EHHADH: variants seen among roughly 807,000 people sequenced by gnomAD.
EHHADH encodes the protein peroxisomal bifunctional enzyme.
A neutral mutation model predicts 64.4 loss-of-function variants in EHHADH; 48 were observed. The ratio of observed to expected loss-of-function variants is 0.75; its 90% CI spans 0.59 to 0.95. The LOEUF is 0.95. EHHADH is among the 40% of genes least tolerant of loss of function. The pLI is 0.00. For synonymous variants in EHHADH, 308 were observed against 326.7 expected (o/e 0.94, Z 0.62); for missense variants, 854 against 876.6 (o/e 0.97, Z 0.33).
At chr3:185,220,798 C>A (rs544022244) in intron 4 of EHHADH, among the ~76,000 whole-genome samples, 6 of 152,320 alleles carry the variant, frequency 3.9e-5, no homozygotes, top group Admixed American at 2.0e-4. Flanking sequence ...TCTTCTCCAA[C>A]CTGAGTAATC....
intron 5 of EHHADH, among the ~76,000 whole-genome samples, chr3:185,207,733 C>T (rs1386715111): frequency 6.6e-6 from 1 of 152,198 alleles, no homozygotes; most frequent in Non-Finnish European, 1.5e-5. Flanking sequence ...TTCTAGTCTA[C>T]ACAACTGTAA....
At chr3:185,245,681 CCTTTA>C (rs1719575530) in intron 2 of EHHADH, 1 of 714,034 alleles carries the variant, frequency 1.4e-6, no homozygotes. Flanking sequence ...TTGGAATCTT[CCTTTA>C]CAAGTTGGTT....
intron 5 of EHHADH, among the ~76,000 whole-genome samples, chr3:185,214,505 G>A (rs1258972291): frequency 6.6e-6 from 1 of 151,988 alleles, no homozygotes; most frequent in Non-Finnish European, 1.5e-5. Flanking sequence ...TTGGGGGAGG[G>A]GGTAAATTTA....
chr3:185,201,077 A>G (rs1482087677), intron 6 of EHHADH, among the ~76,000 whole-genome samples: 1 of 152,188 alleles, frequency 6.6e-6, no homozygotes, highest in Admixed American at 6.5e-5. Context: ...ATACAAGGAA[A>G]GATATGAGGT....
intron 6 of EHHADH, among the ~76,000 whole-genome samples, chr3:185,202,295 C>T (rs918717246): frequency 6.7e-5 from 10 of 148,324 alleles, no homozygotes; most frequent in African/African-American, 1.8e-4. Context: ...GCTGAGATTG[C>T]GCCACTGCAC....
At chr3:185,205,736 G>A (rs932049969) in intron 5 of EHHADH, among the ~76,000 whole-genome samples, 2 of 152,180 alleles carry the variant, frequency 1.3e-5, no homozygotes, top group African/African-American at 4.8e-5. Context: ...TGAGGAGCCA[G>A]AAGTTGACGT....
At chr3:185,241,901 T>A (rs1044775724) in intron 2 of EHHADH, among the ~76,000 whole-genome samples, 2 of 152,212 alleles carry the variant, frequency 1.3e-5, no homozygotes, top group Admixed American at 1.3e-4. Flanking sequence ...GTTTTTCCAA[T>A]GTTGTCTTCT....
chr3:185,210,893 G>A lies in EHHADH; in HGVS notation c.569-6136C>T, dbSNP rs140294327. Among the ~76,000 whole-genome samples, 307 of 152,290 alleles carry A rather than the reference G, an allele frequency of 2.0e-3. 1 individual carries two copies. The highest frequency in any genetic ancestry group is 3.4e-3 in the Admixed American group (52 of 15,296). ...CCTGCTTAATGGTGTGCAGTAATTA[G>A]TTCTGATCAGCATAATCCTATTATC... On this transcript the variant is annotated intron_variant, in intron 5 of 6. Coordinates refer to ENST00000231887, the MANE Select transcript of EHHADH (RefSeq NM_001966.4).
chr3:185,243,721 TG>T (rs1044849880), intron 2 of EHHADH, among the ~76,000 whole-genome samples: 42 of 152,338 alleles, frequency 2.8e-4, no homozygotes, highest in African/African-American at 1.0e-3. Flanking sequence ...TAGATTTTTT[TG>T]AATTTGTTGA....
At chr3:185,204,132 C>CAAAAAAAAAA (rs1220063126) in intron 6 of EHHADH, among the ~76,000 whole-genome samples, 4 of 30,528 alleles carry the variant, frequency 1.3e-4, no homozygotes, top group East Asian at 1.0e-3. Context: ...GACTCTGTCT[C>CAAAAAAAAAA]AAAAAAAAAA....
intron 3 of EHHADH, among the ~76,000 whole-genome samples, chr3:185,231,630 G>A (rs35191435): frequency 7.3e-5 from 7 of 95,600 alleles, no homozygotes; most frequent in Admixed American, 2.4e-4. Flanking sequence ...ACCACATATC[G>A]TATGATTCTG....
intron 4 of EHHADH, among the ~76,000 whole-genome samples, chr3:185,226,428 C>A (rs1718976566): frequency 6.6e-6 from 1 of 152,142 alleles, no homozygotes; most frequent in African/African-American, 2.4e-5. Context: ...GCAGGTGGAT[C>A]ACCTGTGGTC....
intron 6 of EHHADH, among the ~76,000 whole-genome samples, chr3:185,195,187 G>A (rs929957533): frequency 6.6e-6 from 1 of 152,166 alleles, no homozygotes; most frequent in African/African-American, 2.4e-5. Context: ...TCTTGAATTA[G>A]GCAATGGTTT....
Position 185,190,802 on chromosome 3 carries a change from A to G in EHHADH, c.*1424T>C. 6.6e-6 allele frequency: 1 copy of G among 152,216 alleles called. No individual in the cohort carries two copies. Among genetic ancestry groups the G allele is most frequent in the East Asian group, 1.9e-4 (1 of 5,198 alleles). 9.4% of individuals were successfully genotyped at this position (152,216 alleles called of 1,614,324 possible). On this transcript the variant is annotated 3_prime_UTR_variant, in exon 7 of 7. Transcript: ENST00000231887. The stretch of plus-strand genomic sequence containing the variant: ...CAACGGAAAACTTATACTCCATTCA[A>G]GATTTTTCCATCAGAACTTTAATCA...
At chr3:185,252,267 G>A (rs932559429) in intron 1 of EHHADH, among the ~76,000 whole-genome samples, 2 of 152,080 alleles carry the variant, frequency 1.3e-5, no homozygotes, top group African/African-American at 2.4e-5. Flanking sequence ...GGGCGTGGTG[G>A]CACGCACCTG....
chr3:185,212,014 C>T (rs2269229), intron 5 of EHHADH, among the ~76,000 whole-genome samples: 119,855 of 152,100 alleles, frequency 0.79, 48,035 homozygotes, highest in Non-Finnish European at 0.86. Context: ...ACACTCCCAG[C>T]TGGATAATTC....
Position 185,204,484 on chromosome 3 carries a change from C to G in EHHADH, c.842G>C (p.Trp281Ser). 1 of 1,614,068 alleles carries G rather than the reference C, an allele frequency of 6.2e-7. No homozygotes were observed. The highest frequency in any genetic ancestry group is 1.3e-5 in the African/African-American group (1 of 75,036). The stretch of plus-strand genomic sequence containing the variant: ...CCACGATGCTCCGGAGGGAGTTGAC[C>G]ACTTATTTGCTTTCCTTTCAGCGAA... ...AFFAERKANK[W>S]STPSGASWKT... Residue 281 changes from tryptophan to serine, a missense_variant, in exon 6 of 7, where the codon TGG (tryptophan) becomes TCG (serine). Trp to Ser is a radical substitution (Grantham distance 177). Transcript: ENST00000231887.
intron 5 of EHHADH, 41 bp downstream of exon 5, chr3:185,218,095 C>G: frequency 7.0e-7 from 1 of 1,430,342 alleles, no homozygotes; most frequent in East Asian, 2.3e-5. Flanking sequence ...AACATGTATC[C>G]TGTTTACAGT....
intron 3 of EHHADH, among the ~76,000 whole-genome samples, chr3:185,234,768 C>T (rs1719242068): frequency 6.6e-6 from 1 of 152,156 alleles, no homozygotes; most frequent in African/African-American, 2.4e-5. Context: ...AACTAGGGCT[C>T]AGAGTAGCAG....
Sources: allele counts gnomAD v4.1 joint callset (sites outside exome capture counted in the v4.1 genomes callset), GRCh38; gene constraint gnomAD v4.1.1; transcripts MANE v1.5; gene names NCBI Gene and HGNC (gene_info 2026-07-23, HGNC 2026-07-21).